Variants in NIPSNAP1 observed in about 807,000 individuals in gnomAD.
NIPSNAP1 encodes nipsnap homolog 1, also known as protein NipSnap homolog 1.
A neutral mutation model predicts 49.2 loss-of-function variants in NIPSNAP1; 25 were observed. The observed-to-expected ratio is 0.51, with a 90% CI of 0.37 to 0.71. The LOEUF (loss-of-function observed/expected upper bound fraction) is 0.71. NIPSNAP1 is among the 30% of genes least tolerant of loss of function. NIPSNAP1 has a pLI of 0.00. For missense variants in NIPSNAP1, 294 were observed against 361.0 expected (o/e 0.81, Z 1.50); for synonymous variants, 143 against 140.7 (o/e 1.02, Z -0.12).
intron 9 of NIPSNAP1, among the ~76,000 whole-genome samples, chr22:29,557,051 G>A (rs1353419348): frequency 1.3e-5 from 2 of 152,052 alleles, no homozygotes; most frequent in Non-Finnish European, 2.9e-5. Flanking sequence ...GCCCAGCCGA[G>A]ATTTGTCATT....
intron 8 of NIPSNAP1, among the ~76,000 whole-genome samples, chr22:29,560,338 C>T (rs926746577): frequency 4.6e-5 from 7 of 151,980 alleles, no homozygotes; most frequent in African/African-American, 1.7e-4. Flanking sequence ...ACCTCCACCT[C>T]CCGGGTTCAA....
chr22:29,556,485 T>C (rs2064295353), intron 9 of NIPSNAP1, among the ~76,000 whole-genome samples: 4 of 151,786 alleles, frequency 2.6e-5, no homozygotes, highest in Middle Eastern at 3.4e-3. Flanking sequence ...GATCAGGCCA[T>C]TGCACTCCAG....
At chr22:29,557,058 C>A (rs1399368043) in intron 9 of NIPSNAP1, among the ~76,000 whole-genome samples, 1 of 152,058 alleles carries the variant, frequency 6.6e-6, no homozygotes, top group African/African-American at 2.4e-5. Context: ...CGAGATTTGT[C>A]ATTCTTAACA....
intron 6 of NIPSNAP1, 29 bp downstream of exon 6, chr22:29,561,477 G>A: frequency 1.2e-6 from 2 of 1,613,564 alleles, no homozygotes; most frequent in East Asian, 2.2e-5. Flanking sequence ...AAATTGGGGG[G>A]CAGGAGGGGG....
intron 4 of NIPSNAP1, among the ~76,000 whole-genome samples, chr22:29,567,999 G>T (rs1033812518): frequency 4.7e-5 from 7 of 150,292 alleles, no homozygotes; most frequent in African/African-American, 1.7e-4. Flanking sequence ...GCAACATGGA[G>T]AAACCCCGTC....
chr22:29,575,324 C>T (rs1019177192), intron 1 of NIPSNAP1, among the ~76,000 whole-genome samples: 2 of 152,150 alleles, frequency 1.3e-5, no homozygotes, highest in Admixed American at 1.3e-4. Context: ...GATGGGCTCC[C>T]GTCTCTTCCC....
rs1482843320 is a variant in NIPSNAP1, at chr22:29,569,643, CT to C, written c.273-357del. Among the ~76,000 whole-genome samples, 7 of 148,042 alleles carry C rather than the reference CT, an allele frequency of 4.7e-5. No homozygotes were observed. In the Admixed American group the frequency reaches 4.8e-4, roughly 10 times the overall value. On this transcript the variant is annotated intron_variant, in intron 3 of 9. Transcript: ENST00000216121. ...CTGGAGTGCAATGGCGCAATCTCGGCTCACTGGAACCTCCGCCTCCTGGAGA... is the reference window on the plus strand; with the variant it reads ...CTGGAGTGCAATGGCGCAATCTCGGCCACTGGAACCTCCGCCTCCTGGAGA...
chr22:29,555,755 C>G lies in NIPSNAP1; in HGVS notation c.*180G>C, dbSNP rs2064289532. ...GGCAGGCAGGGAAAGTAGAAAGGGC[C>G]TGGGCAGAGCTGTAATCCTCAGAAC... On this transcript the variant is annotated 3_prime_UTR_variant, in exon 10 of 10. Transcript: ENST00000216121. 1.5e-6 allele frequency: 1 copy of G among 658,956 alleles called. No homozygotes were observed. Among genetic ancestry groups the G allele is most frequent in the African/African-American group, 1.8e-5 (1 of 56,016 alleles). 40.8% of individuals were successfully genotyped at this position (658,956 alleles called of 1,614,324 possible).
intron 4 of NIPSNAP1, among the ~76,000 whole-genome samples, chr22:29,567,556 A>G (rs2064376311): frequency 6.6e-6 from 1 of 152,152 alleles, no homozygotes; most frequent in African/African-American, 2.4e-5. Context: ...CTATGCCAAA[A>G]TAGAAAAGTG....
intron 8 of NIPSNAP1, among the ~76,000 whole-genome samples, chr22:29,560,134 T>C (rs1341498376): frequency 1.3e-5 from 2 of 152,130 alleles, no homozygotes; most frequent in African/African-American, 2.4e-5. Context: ...GCTGGCTCCT[T>C]CTCATCCTTT....
intron 1 of NIPSNAP1, among the ~76,000 whole-genome samples, chr22:29,578,271 G>A (rs2064470166): frequency 6.7e-6 from 1 of 150,360 alleles, no homozygotes; most frequent in Non-Finnish European, 1.5e-5. Context: ...CCTGGCCTCA[G>A]GTGATCCACC....
intron 1 of NIPSNAP1, among the ~76,000 whole-genome samples, chr22:29,573,287 G>A (rs922386450): frequency 2.6e-5 from 4 of 151,932 alleles, no homozygotes; most frequent in East Asian, 3.9e-4. Flanking sequence ...CACCTGCCTC[G>A]GCCTCTCAAA....
chr22:29,557,371 C>T (rs745595860), intron 9 of NIPSNAP1, among the ~76,000 whole-genome samples: 1 of 152,122 alleles, frequency 6.6e-6, no homozygotes, highest in Non-Finnish European at 1.5e-5. Flanking sequence ...CCACATACCT[C>T]AACTTCATAG....
chr22:29,558,035 G>C (rs190873630), intron 9 of NIPSNAP1, among the ~76,000 whole-genome samples: 100 of 152,304 alleles, frequency 6.6e-4, no homozygotes, highest in African/African-American at 2.2e-3. Context: ...GGCTGAGGTG[G>C]GAGGACTGCT....
chr22:29,561,360 T>A (rs748816964), intron 6 of NIPSNAP1, 146 bp downstream of exon 6: 53 of 1,409,104 alleles, frequency 3.8e-5, no homozygotes, highest in Non-Finnish European at 5.1e-5. Context: ...CTGGTGTGCA[T>A]GTTTGCACAC....
intron 9 of NIPSNAP1, among the ~76,000 whole-genome samples, chr22:29,558,361 C>T (rs1204400025): frequency 6.6e-6 from 1 of 151,958 alleles, no homozygotes; most frequent in Non-Finnish European, 1.5e-5. Flanking sequence ...CCCAGCTACT[C>T]GGGAGGCTGA....
intron 1 of NIPSNAP1, among the ~76,000 whole-genome samples, chr22:29,578,780 A>G (rs1229871270): frequency 6.6e-6 from 1 of 151,114 alleles, no homozygotes; most frequent in Non-Finnish European, 1.5e-5. Context: ...AGGTTCAGCA[A>G]CTCATCCAGG....
chr22:29,561,502 G>C lies in NIPSNAP1; in HGVS notation c.579+4C>G. 6.2e-7 allele frequency: 1 copy of C among 1,613,912 alleles called. No individual in the cohort carries two copies. On this transcript the variant is annotated splice_donor_region_variant and intron_variant, in intron 6 of 9. Coordinates refer to ENST00000216121, the MANE Select transcript of NIPSNAP1 (RefSeq NM_003634.4). ...GCAGGAGGGGGTCTGTCGGAGGGAG[G>C]CACCTTGAGCTTGTATGTCCTCAGC...
At chr22:29,572,517 C>CA (rs1018494247) in intron 1 of NIPSNAP1, among the ~76,000 whole-genome samples, 4 of 149,910 alleles carry the variant, frequency 2.7e-5, no homozygotes, top group African/African-American at 7.4e-5. Flanking sequence ...TCCATCTCTA[C>CA]AAAAAAAATA....
Sources: allele counts gnomAD v4.1 joint callset (sites outside exome capture counted in the v4.1 genomes callset), GRCh38; gene constraint gnomAD v4.1.1; transcripts MANE v1.5; gene names NCBI Gene and HGNC (gene_info 2026-07-23, HGNC 2026-07-21).